Variants in ATP8A2 observed in about 807,000 individuals in gnomAD.
ATP8A2 encodes phospholipid-transporting ATPase IB.
In ATP8A2, 100 loss-of-function variants were observed where a neutral mutation model predicts 165.6. That is an observed-to-expected ratio of 0.60 (90% CI 0.51 to 0.71). ATP8A2 has a LOEUF of 0.71. ATP8A2 is among the 30% of genes least tolerant of loss of function. The probability of loss-of-function intolerance (pLI) is 0.00; values close to 1 mark genes in which losing one functional copy is unlikely to be tolerated. For synonymous variants in ATP8A2, 543 were observed against 548.8 expected (o/e 0.99, Z 0.15); for missense variants, 1,227 against 1,479.5 (o/e 0.83, Z 2.80).
At chr13:25,674,257 C>T (rs2042325658) in intron 24 of ATP8A2, among the ~76,000 whole-genome samples, 1 of 149,966 alleles carries the variant, frequency 6.7e-6, no homozygotes, top group East Asian at 2.0e-4. Context: ...TATGAGGGTC[C>T]AGATGTGTCC....
At chr13:25,774,637 G>C (rs2044699648) in intron 26 of ATP8A2, among the ~76,000 whole-genome samples, 1 of 152,144 alleles carries the variant, frequency 6.6e-6, no homozygotes. Flanking sequence ...AGTATGTTTA[G>C]GGAAAATAAT....
chr13:25,861,797 G>A (rs1230770594), intron 32 of ATP8A2, among the ~76,000 whole-genome samples: 6 of 152,156 alleles, frequency 3.9e-5, no homozygotes, highest in African/African-American at 1.4e-4. Context: ...AAGAAAAAAT[G>A]AACAACGCAG....
chr13:25,531,184 T>C (rs2038030440), intron 4 of ATP8A2, among the ~76,000 whole-genome samples: 2 of 143,570 alleles, frequency 1.4e-5, no homozygotes, highest in African/African-American at 5.2e-5. Context: ...GATATATATA[T>C]GTTATATATG....
chr13:25,495,624 CT>C (rs11369713), intron 2 of ATP8A2, among the ~76,000 whole-genome samples: 28,998 of 87,962 alleles, frequency 0.33, 4,823 homozygotes, highest in East Asian at 0.63. Context: ...GCATGCCTTG[CT>C]TTTTTTTTTT....
At chr13:25,729,364 TG>T (rs1408173229) in intron 25 of ATP8A2, among the ~76,000 whole-genome samples, 1 of 152,242 alleles carries the variant, frequency 6.6e-6, no homozygotes, top group African/African-American at 2.4e-5. Context: ...ACTAAAGGTA[TG>T]GAATGCCTGA....
intron 24 of ATP8A2, among the ~76,000 whole-genome samples, chr13:25,615,578 G>A (rs949573874): frequency 7.2e-5 from 11 of 152,092 alleles, no homozygotes; most frequent in East Asian, 1.9e-4. Flanking sequence ...AGGAAACTTC[G>A]GGTTCACTTG....
intron 25 of ATP8A2, among the ~76,000 whole-genome samples, chr13:25,699,870 G>A (rs1435216304): frequency 6.6e-6 from 1 of 151,726 alleles, no homozygotes; most frequent in African/African-American, 2.4e-5. Context: ...GCAGTGGTGG[G>A]GGATTGTTAC....
intron 1 of ATP8A2, among the ~76,000 whole-genome samples, chr13:25,391,888 C>T (rs778343393): frequency 5.3e-5 from 8 of 152,076 alleles, no homozygotes; most frequent in South Asian, 2.1e-4. Flanking sequence ...CAAGAATATG[C>T]GGTTGAAAAA....
intron 8 of ATP8A2, among the ~76,000 whole-genome samples, chr13:25,541,145 A>G (rs961827359): frequency 3.3e-5 from 5 of 152,130 alleles, no homozygotes; most frequent in Non-Finnish European, 1.5e-5. Context: ...GATTACAGGC[A>G]TGAGATACTG....
chr13:25,468,743 G>T (rs926766158), intron 1 of ATP8A2: 6 of 771,528 alleles, frequency 7.8e-6, no homozygotes, highest in African/African-American at 7.5e-5. Flanking sequence ...CTCCACAAGC[G>T]CCAGGGGCCG....
In ATP8A2 at chr13:25,410,217, TC is replaced by T. The variant is rs111837674; in HGVS notation, c.76+37934del. Among the ~76,000 whole-genome samples, 8 of 151,986 alleles carry T rather than the reference TC, an allele frequency of 5.3e-5. 1 individual carries two copies. The highest frequency in any genetic ancestry group is 1.2e-4 in the African/African-American group (5 of 41,398). ...GTAGACAGTCCGTAGTGGTTTTTTT[TC>T]CCCCTTATGGTAAAGTGTTCTCCCT... On this transcript the variant is annotated intron_variant, in intron 1 of 36. Transcript: ENST00000381655.
At position 25,802,977 on chromosome 13, in the gene ATP8A2, A is replaced by G. The variant is rs147223161; in HGVS notation, c.2680-25141A>G. ...GGTGAGTTTTTTTTTTTTTAAGCTA[A>G]TTAGATATGGGTAAGACAACTGTGA... On this transcript the variant is annotated intron_variant, in intron 27 of 36. Coordinates refer to ENST00000381655, the MANE Select transcript of ATP8A2 (RefSeq NM_016529.6). Among the ~76,000 whole-genome samples, 1,001 of 151,904 alleles carry G rather than the reference A, an allele frequency of 6.6e-3. 13 individuals are homozygous for G. Among genetic ancestry groups the G allele is most frequent in the African/African-American group, 0.019 (780 of 41,428 alleles).
intron 24 of ATP8A2, among the ~76,000 whole-genome samples, chr13:25,687,505 C>T (rs2042627162): frequency 6.6e-6 from 1 of 152,160 alleles, no homozygotes; most frequent in Non-Finnish European, 1.5e-5. Context: ...CCCCACATCC[C>T]AGCAGGCCTT....
intron 25 of ATP8A2, among the ~76,000 whole-genome samples, chr13:25,726,005 C>T (rs144954905): frequency 9.9e-4 from 150 of 152,234 alleles, no homozygotes; most frequent in South Asian, 5.6e-3. Flanking sequence ...ACTCAAATAC[C>T]ATTGCTAAAT....
At chr13:25,828,612 T>G (rs1399849555) in intron 28 of ATP8A2, among the ~76,000 whole-genome samples, 1 of 152,256 alleles carries the variant, frequency 6.6e-6, no homozygotes, top group Non-Finnish European at 1.5e-5. Context: ...CGTTCTGTCC[T>G]TCCTGAAAGG....
intron 1 of ATP8A2, among the ~76,000 whole-genome samples, chr13:25,467,360 A>G (rs574067457): frequency 6.6e-6 from 1 of 152,342 alleles, no homozygotes; most frequent in Admixed American, 6.5e-5. Context: ...CTTACTTAAT[A>G]TTCGGAATAA....
intron 2 of ATP8A2, among the ~76,000 whole-genome samples, chr13:25,501,647 T>C (rs1387435591): frequency 6.6e-6 from 1 of 152,218 alleles, no homozygotes; most frequent in Non-Finnish European, 1.5e-5. Flanking sequence ...AACATAGTTA[T>C]TACACTATAA....
At chr13:25,495,624 C>CT (rs11369713) in intron 2 of ATP8A2, among the ~76,000 whole-genome samples, 2,829 of 88,178 alleles carry the variant, frequency 0.032, 116 homozygotes, top group East Asian at 0.13. Flanking sequence ...GCATGCCTTG[C>CT]TTTTTTTTTT....
chr13:25,493,606 C>T (rs1256540801), intron 2 of ATP8A2, among the ~76,000 whole-genome samples: 1 of 152,146 alleles, frequency 6.6e-6, no homozygotes, highest in East Asian at 1.9e-4. Flanking sequence ...TGTGGACATT[C>T]AGGTAGGTGT....
Sources: allele counts gnomAD v4.1 joint callset (sites outside exome capture counted in the v4.1 genomes callset), GRCh38; gene constraint gnomAD v4.1.1; transcripts MANE v1.5; gene names NCBI Gene and HGNC (gene_info 2026-07-23, HGNC 2026-07-21).